The following ERI1 variants were observed in gnomAD, a reference collection of about 807,000 sequenced individuals.
ERI1 encodes 3'-5' exoribonuclease 1.
A neutral mutation model predicts 39.7 loss-of-function variants in ERI1; 39 were observed. The ratio of observed to expected loss-of-function variants is 0.98; its 90% CI spans 0.76 to 1.28. The LOEUF is 1.28. Ranked by LOEUF, ERI1 falls within the 50% of genes most tolerant of loss-of-function variation. The pLI, the probability that ERI1 is intolerant of heterozygous loss-of-function variation, is 0.00. For missense variants in ERI1, 581 were observed against 416.9 expected, an observed-to-expected ratio of 1.39 and a Z score of -3.43; for synonymous variants, 204 against 149.6, an observed-to-expected ratio of 1.36 and a Z score of -2.65.
rs1384678595 is a variant in ERI1, at chr8:9,033,039, C to A, written c.*3005C>A. 1 of 152,180 alleles carries A rather than the reference C, an allele frequency of 6.6e-6. No homozygotes were observed. Among genetic ancestry groups the A allele is most frequent in the Non-Finnish European group, 1.5e-5 (1 of 68,036 alleles). The allele number at this position is 152,180 out of a possible 1,614,324, so 9.4% of individuals were successfully genotyped here. A position where few individuals can be genotyped will look rare whatever the true frequency, so the allele number is the denominator to read the frequency against. ...CACATAGTTGAATCCAGCGTTGATACATGAAGGACAGCATTACATCTTTTT... is the reference window on the plus strand; with the variant it reads ...CACATAGTTGAATCCAGCGTTGATAAATGAAGGACAGCATTACATCTTTTT... On this transcript the variant is annotated 3_prime_UTR_variant, in exon 7 of 7. Coordinates refer to ENST00000250263, the MANE Select transcript of ERI1 (RefSeq NM_153332.4).
rs140861202 is a variant in ERI1, at chr8:9,017,402, TTTAG to T, written c.583-888_583-885del. Among the ~76,000 whole-genome samples the T allele has an allele frequency of 3.0e-4, 46 of 152,326 alleles. No individual in the cohort carries two copies. In the East Asian group the frequency reaches 7.7e-3, roughly 26 times the overall value. ...TCTAATGTGGTAGGCACTTTTTTCA[TTTAG>T]TTAGTTCATTCATTCACTCCACGTG... On this transcript the variant is annotated intron_variant, in intron 4 of 6. Transcript: ENST00000250263.
intron 3 of ERI1, among the ~76,000 whole-genome samples, chr8:9,061,092 G>C (rs1798679712): frequency 6.6e-6 from 1 of 152,186 alleles, no homozygotes; most frequent in Admixed American, 6.5e-5. Flanking sequence ...GGTAATGGAG[G>C]GGAGCGGAGC....
intron 3 of ERI1, chr8:9,099,936 G>A (rs1255667188): frequency 6.6e-6 from 1 of 151,870 alleles, no homozygotes; most frequent in Non-Finnish European, 1.5e-5. Flanking sequence ...TTCTGTTCAT[G>A]TCAGCTCGTT....
At chr8:9,019,824 T>C (rs999778137) in intron 5 of ERI1, among the ~76,000 whole-genome samples, 7 of 152,206 alleles carry the variant, frequency 4.6e-5, no homozygotes, top group African/African-American at 1.7e-4. Flanking sequence ...TTATTCTGAC[T>C]CTCCTTGCCT....
chr8:9,027,179 T>TGTGTGTG (rs1797233483), intron 6 of ERI1, among the ~76,000 whole-genome samples: 3 of 99,312 alleles, frequency 3.0e-5, no homozygotes, highest in Non-Finnish European at 7.8e-5. Flanking sequence ...GTGTGTGTGT[T>TGTGTGTG]TATGGCCATT....
At chr8:9,035,911 G>C (rs1377437611), downstream of ERI1, among the ~76,000 whole-genome samples, 2 of 152,210 alleles carry the variant, frequency 1.3e-5, no homozygotes, top group African/African-American at 4.8e-5. Context: ...GAATTTGCAA[G>C]AAGTTGATTT....
intron 3 of ERI1, among the ~76,000 whole-genome samples, chr8:9,045,153 G>A (rs948785597): frequency 4.0e-5 from 6 of 149,196 alleles, no homozygotes; most frequent in Admixed American, 1.3e-4. Context: ...GGAGAATGGC[G>A]TGAACCAGGG....
chr8:9,064,546 G>C (rs1369196710), intron 3 of ERI1, among the ~76,000 whole-genome samples: 1 of 152,152 alleles, frequency 6.6e-6, no homozygotes, highest in Non-Finnish European at 1.5e-5. Context: ...TTGAAATTAA[G>C]AGAAGTGAGA....
intron 3 of ERI1, among the ~76,000 whole-genome samples, chr8:9,085,086 G>A (rs988152193): frequency 5.9e-5 from 9 of 152,104 alleles, no homozygotes; most frequent in Admixed American, 2.0e-4. Flanking sequence ...AAATTTGGGG[G>A]TGGGGCCTAC....
chr8:9,025,592 G>C (rs1348320213), intron 6 of ERI1, among the ~76,000 whole-genome samples: 1 of 152,104 alleles, frequency 6.6e-6, no homozygotes, highest in Non-Finnish European at 1.5e-5. Context: ...TCTTTGTCTA[G>C]ATTTCACATC....
intron 3 of ERI1, among the ~76,000 whole-genome samples, chr8:9,084,750 T>G (rs1284845196): frequency 1.3e-5 from 2 of 152,182 alleles, no homozygotes; most frequent in Non-Finnish European, 2.9e-5. Flanking sequence ...AATAAAGCCC[T>G]TCCTTTACAC....
At chr8:9,098,432 C>T (rs968401781) in intron 3 of ERI1, among the ~76,000 whole-genome samples, 2 of 152,192 alleles carry the variant, frequency 1.3e-5, no homozygotes, top group African/African-American at 4.8e-5. Context: ...AAGCAAGAAT[C>T]GCTTGAACCC....
chr8:9,080,228 C>T (rs1246791204), intron 3 of ERI1, among the ~76,000 whole-genome samples: 1 of 152,160 alleles, frequency 6.6e-6, no homozygotes, highest in African/African-American at 2.4e-5. Flanking sequence ...TAATGTCTCC[C>T]TGGGCCTGAT....
chr8:9,009,330 G>C (rs1816419016), intron 2 of ERI1, among the ~76,000 whole-genome samples: 1 of 152,016 alleles, frequency 6.6e-6, no homozygotes, highest in African/African-American at 2.4e-5. Flanking sequence ...TACAGCATGA[G>C]AATACAGAGG....
chr8:9,063,684 C>T (rs552409621), intron 3 of ERI1, among the ~76,000 whole-genome samples: 1 of 152,180 alleles, frequency 6.6e-6, no homozygotes, highest in African/African-American at 2.4e-5. Context: ...TAAAAGAATG[C>T]CTGGACATCG....
chr8:9,093,520 A>AAGAAG (rs1554443498), intron 3 of ERI1, among the ~76,000 whole-genome samples: 33 of 149,304 alleles, frequency 2.2e-4, no homozygotes, highest in African/African-American at 7.0e-4. Context: ...AAAAAAAAAA[A>AAGAAG]AAGAAGAAGA....
intron 1 of ERI1, chr8:9,004,375 A>G (rs1159814938): frequency 1.2e-6 from 1 of 848,738 alleles, no homozygotes; most frequent in Non-Finnish European, 1.5e-6. Flanking sequence ...TTATATTTGA[A>G]AGTCTTGACA....
In ERI1 at chr8:9,018,437, T is replaced by C. The variant is rs774547366; in HGVS notation, c.692+31T>C. The stretch of plus-strand genomic sequence containing the variant: ...TATTTAGGAAGATTATTTTTTTATA[T>C]CTACTTTTTAAAGATTAAAGATACC... On this transcript the variant is annotated intron_variant, in intron 5 of 6. Coordinates refer to ENST00000250263, the MANE Select transcript of ERI1 (RefSeq NM_153332.4). 7 of 1,266,486 alleles carry C rather than the reference T, an allele frequency of 5.5e-6. No homozygotes were observed. In the East Asian group the frequency reaches 1.7e-4, roughly 30 times the overall value. The allele number at this position is 1,266,486 out of a possible 1,614,324, so 78.5% of individuals were successfully genotyped here.
Position 9,007,993 on chromosome 8 carries a change from T to G in ERI1, c.132T>G (p.Asp44Glu). 6.6e-7 allele frequency: 1 copy of G among 1,505,796 alleles called. No homozygotes were observed. The highest frequency in any genetic ancestry group is 1.2e-5 in the South Asian group (1 of 85,036). The allele number at this position is 1,505,796 out of a possible 1,614,324, so 93.3% of individuals were successfully genotyped here. A position where few individuals can be genotyped will look rare whatever the true frequency, so the allele number is the denominator to read the frequency against. Residue 44 changes from aspartate (D) to glutamate (E), a missense_variant, in exon 2 of 7, where the codon GAT becomes GAG. Coordinates refer to ENST00000250263, the MANE Select transcript of ERI1 (RefSeq NM_153332.4). ...AGGAAACTCAACAGTGTAAATTTGA[T>G]GGCCAGGAGACAAAAGGATCCAAGT... ...SPEETQQCKF[D>E]GQETKGSKFI... is the part of the protein sequence containing the mutation.
Sources: gnomAD v4.1 joint callset for allele counts (sites outside exome capture counted in the v4.1 genomes callset) on GRCh38, gnomAD v4.1.1 for gene constraint, MANE v1.5 for transcripts, NCBI Gene and HGNC (gene_info 2026-07-23, HGNC 2026-07-21) for gene names.